SHLD1: variants seen among roughly 807,000 people sequenced by gnomAD.
The protein encoded by SHLD1 is shieldin complex subunit 1.
A neutral mutation model predicts 5.5 loss-of-function variants in SHLD1; 3 were observed. That is an observed-to-expected ratio of 0.54 (90% CI 0.25 to 1.40). SHLD1 has a LOEUF of 1.40. SHLD1 is among the 40% of genes most tolerant of loss of function. The probability of loss-of-function intolerance (pLI) is 0.15; values close to 1 mark genes in which losing one functional copy is unlikely to be tolerated. For synonymous variants in SHLD1, 92 were observed against 94.3 expected, an observed-to-expected ratio of 0.98 and a Z score of 0.14; for missense variants, 210 against 244.4, an observed-to-expected ratio of 0.86 and a Z score of 0.94.
At chr20:5,816,145 A>G (rs2087528502) in intron 2 of SHLD1, among the ~76,000 whole-genome samples, 1 of 151,970 alleles carries the variant, frequency 6.6e-6, no homozygotes, top group Non-Finnish European at 1.5e-5. Context: ...TAGAATACAC[A>G]GCCCATGAAT....
At position 5,827,391 on chromosome 20, in the gene SHLD1, G is replaced by A. The variant is rs548223104; in HGVS notation, c.179-35633G>A. On this transcript the variant is annotated intron_variant, in intron 2 of 2. Coordinates refer to ENST00000303142, the MANE Select transcript of SHLD1 (RefSeq NM_152504.4). The stretch of plus-strand genomic sequence containing the variant: ...CCATCAGCCATAGTCCACGTAGTCC[G>A]CCTCCCAAGGGCAGAGCAGGGTGGA... 5.0e-4 allele frequency among the ~76,000 whole-genome samples: 76 copies of A among 152,324 alleles called. No homozygotes were observed. The Middle Eastern group carries it at 0.014, about 27-fold the overall frequency.
rs572047239 is a variant in SHLD1, at chr20:5,818,418, T to G, written c.179-44606T>G. On this transcript the variant is annotated intron_variant, in intron 2 of 2. Transcript: ENST00000303142. Reference sequence around the variant, plus strand: ...AGCCATTTATAGCAGAAGGGCAAATTTGGTATAGTTAACTCTGCCATTGCC... The same window carrying G: ...AGCCATTTATAGCAGAAGGGCAAATGTGGTATAGTTAACTCTGCCATTGCC... Among the ~76,000 whole-genome samples, 5 of 152,304 alleles carry G rather than the reference T, an allele frequency of 3.3e-5. No individual in the cohort carries two copies. In the South Asian group the frequency reaches 1.0e-3, roughly 32 times the overall value.
At chr20:5,772,411 A>T in intron 1 of SHLD1, among the ~76,000 whole-genome samples, 1 of 152,216 alleles carries the variant, frequency 6.6e-6, no homozygotes, top group East Asian at 1.9e-4. Context: ...TTAATGTCCC[A>T]GGTGGGATGG....
rs1555775280 is a variant in SHLD1 at position 5,819,164 on chromosome 20, T to TGCCCCGCCAGTAA, written c.179-43859_179-43858insCCCCGCCAGTAAG. On this transcript the variant is annotated intron_variant, in intron 2 of 2. Transcript: ENST00000303142. ...AGTGTGAGCCACCGTGCCCCGCCAG[T>TGCCCCGCCAGTAA]GTCTACTTCTTAATTCAGTCCCACT... Among the ~76,000 whole-genome samples, 6 of 152,084 alleles carry TGCCCCGCCAGTAA rather than the reference T, an allele frequency of 3.9e-5. No individual in the cohort carries two copies. The East Asian group carries it at 1.2e-3, about 30-fold the overall frequency.
intron 2 of SHLD1, among the ~76,000 whole-genome samples, chr20:5,835,593 A>G (rs990205693): frequency 6.6e-6 from 1 of 152,086 alleles, no homozygotes; most frequent in African/African-American, 2.4e-5. Context: ...GGAAGCAGAG[A>G]GTTGAGAATG....
chr20:5,819,816 A>G (rs1294706), intron 2 of SHLD1, among the ~76,000 whole-genome samples: 92,862 of 152,136 alleles, frequency 0.61, 30,383 homozygotes, highest in Non-Finnish European at 0.74. Flanking sequence ...CGTGAGACCC[A>G]GTCTCTTAAA....
chr20:5,777,592 A>G (rs1985488421), intron 2 of SHLD1, among the ~76,000 whole-genome samples: 1 of 149,690 alleles, frequency 6.7e-6, no homozygotes, highest in African/African-American at 2.5e-5. Context: ...GCTAATTAAA[A>G]AAAATTTTAT....
intron 1 of SHLD1, among the ~76,000 whole-genome samples, chr20:5,751,733 G>A (rs372059735): frequency 6.6e-6 from 1 of 152,094 alleles, no homozygotes; most frequent in Non-Finnish European, 1.5e-5. Context: ...ATTGACCATC[G>A]CCCAGAGAGA....
rs552145086 is a variant in SHLD1 at position 5,850,011 on chromosome 20, G to A, written c.179-13013G>A. On this transcript the variant is annotated intron_variant, in intron 2 of 2. Coordinates refer to ENST00000303142, the MANE Select transcript of SHLD1 (RefSeq NM_152504.4). ...AAAATTCATTGAGGCTAGGGTGATG[G>A]CTTATGCCTGTAATCTCAGCACTTT... is the stretch of plus-strand genomic sequence containing the variant. 6.0e-4 allele frequency among the ~76,000 whole-genome samples: 90 copies of A among 148,982 alleles called. 1 individual carries two copies. Among genetic ancestry groups the A allele is most frequent in the African/African-American group, 1.9e-3 (79 of 40,702 alleles).
intron 1 of SHLD1, among the ~76,000 whole-genome samples, chr20:5,756,119 A>G (rs1396949682): frequency 6.6e-6 from 1 of 151,968 alleles, no homozygotes; most frequent in Non-Finnish European, 1.5e-5. Context: ...AGAAAAGTAT[A>G]AGGAGGCATC....
intron 2 of SHLD1, among the ~76,000 whole-genome samples, chr20:5,822,595 T>C (rs1161593059): frequency 2.0e-5 from 3 of 152,094 alleles, no homozygotes; most frequent in African/African-American, 7.2e-5. Flanking sequence ...GTGTGGTTCC[T>C]TATCGTACCT....
intron 2 of SHLD1, among the ~76,000 whole-genome samples, chr20:5,836,859 C>T (rs1448648259): frequency 1.3e-5 from 2 of 152,140 alleles, no homozygotes; most frequent in African/African-American, 4.8e-5. Flanking sequence ...GAGGAAATCC[C>T]CTATTACAAA....
chr20:5,775,659 C>T (rs749994424), intron 2 of SHLD1, among the ~76,000 whole-genome samples: 14 of 152,142 alleles, frequency 9.2e-5, no homozygotes, highest in Non-Finnish European at 1.9e-4. Context: ...TAGTGGTGGT[C>T]GTGCTGGATT....
At position 5,773,184 on chromosome 20, in the gene SHLD1, C is replaced by G. The variant is rs1363328897; in HGVS notation, c.178+141C>G. The G allele has an allele frequency of 6.3e-6, 6 of 956,442 alleles. No individual in the cohort carries two copies. In the African/African-American group the frequency reaches 9.8e-5, roughly 16 times the overall value. 59.2% of individuals were successfully genotyped at this position (956,442 alleles called of 1,614,324 possible). ...TAGGCAGAAAAACATCTTACCTAAG[C>G]AAAGCTTTCAGGAGGAACTTCAAAG... is the stretch of plus-strand genomic sequence containing the variant. On this transcript the variant is annotated intron_variant, in intron 2 of 2. Transcript: ENST00000303142.
intron 2 of SHLD1, among the ~76,000 whole-genome samples, chr20:5,854,566 A>C (rs1046625615): frequency 6.6e-6 from 1 of 152,210 alleles, no homozygotes; most frequent in African/African-American, 2.4e-5. Flanking sequence ...TATGAGTGGG[A>C]CTTTAGATAT....
At chr20:5,805,677 T>G (rs2087364003) in intron 2 of SHLD1, among the ~76,000 whole-genome samples, 1 of 152,180 alleles carries the variant, frequency 6.6e-6, no homozygotes, top group Admixed American at 6.5e-5. Context: ...CTCGGCTCAC[T>G]GCAACCTCTG....
intron 2 of SHLD1, among the ~76,000 whole-genome samples, chr20:5,831,716 G>T (rs1188038716): frequency 1.3e-5 from 2 of 151,932 alleles, no homozygotes; most frequent in South Asian, 4.2e-4. Flanking sequence ...TTCAGTTGCC[G>T]AATCCCTTTG....
chr20:5,832,412 A>G (rs1158635772), intron 2 of SHLD1, among the ~76,000 whole-genome samples: 2 of 152,218 alleles, frequency 1.3e-5, no homozygotes, highest in Non-Finnish European at 2.9e-5. Context: ...CTTGCTGGAA[A>G]ATAGTAAGCC....
At chr20:5,799,276 T>C (rs952687050) in intron 2 of SHLD1, among the ~76,000 whole-genome samples, 1 of 149,710 alleles carries the variant, frequency 6.7e-6, no homozygotes, top group Non-Finnish European at 1.5e-5. Context: ...ATTCTCTCTC[T>C]CTCGCTCTCT....
Sources: gnomAD v4.1 joint callset for allele counts (sites outside exome capture counted in the v4.1 genomes callset) on GRCh38, gnomAD v4.1.1 for gene constraint, MANE v1.5 for transcripts, NCBI Gene and HGNC (gene_info 2026-07-23, HGNC 2026-07-21) for gene names.